The following NHERF2 variants were observed in gnomAD, a reference collection of about 807,000 sequenced individuals.
NHERF2 encodes Na(+)/H(+) exchange regulatory cofactor NHE-RF2.
the NHERF2 span, chr16:2,038,408 CCTTCCCCT>C: frequency 8.0e-6 from 1 of 124,954 alleles, no homozygotes; most frequent in Non-Finnish European, 1.9e-5. Context: ...AGACCCCCCC[CCTTCCCCT>C]CCCCCTTCCC....
the NHERF2 span, chr16:2,033,491 G>A: frequency 1.2e-4 from 175 of 1,478,464 alleles, 1 homozygote; most frequent in South Asian, 6.9e-4. Flanking sequence ...TCAGCCTCCC[G>A]GGGTGGAAGG....
chr16:2,026,912 C>T, the NHERF2 span: 1 of 372,936 alleles, frequency 2.7e-6, no homozygotes, highest in Non-Finnish European at 3.7e-6. Flanking sequence ...GAACAGGAGC[C>T]GCCGCTGAAG....
chr16:2,032,913 A>T, the NHERF2 span: 1 of 1,056,352 alleles, frequency 9.5e-7, no homozygotes, highest in Non-Finnish European at 1.1e-6. This position sits in a 1 kb window ranked among gnomAD's most constrained non-coding sequence, Gnocchi z 4.0. Context: ...GGGGGCTAAG[A>T]GCAGGTGTGA....
chr16:2,036,663 C>A, the NHERF2 span: 1 of 1,585,720 alleles, frequency 6.3e-7, no homozygotes, highest in East Asian at 2.2e-5. Context: ...GATGCCACAC[C>A]TGGCCACGCG....
the NHERF2 span, among the ~76,000 whole-genome samples, chr16:2,032,026 T>C: frequency 2.0e-5 from 3 of 150,030 alleles, no homozygotes; most frequent in Non-Finnish European, 3.0e-5. This position sits in a 1 kb window ranked among gnomAD's most constrained non-coding sequence, Gnocchi z 4.0. Flanking sequence ...TTCTTTCTTT[T>C]TTTTTTTTTT....
the NHERF2 span, among the ~76,000 whole-genome samples, chr16:2,034,410 C>T: frequency 0.042 from 438 of 10,432 alleles, 14 homozygotes; most frequent in Non-Finnish European, 0.05. Context: ...GCCTGGGGGC[C>T]GTGCTCCACC....
At chr16:2,038,181 A>G in the NHERF2 span, 1 of 611,366 alleles carries the variant, frequency 1.6e-6, no homozygotes, top group Non-Finnish European at 2.9e-6. Context: ...AGATAGGGGG[A>G]GAGAGACCCA....
the NHERF2 span, chr16:2,035,355 C>T: frequency 1.0e-6 from 1 of 960,894 alleles, no homozygotes; most frequent in South Asian, 4.7e-5. Flanking sequence ...ACCTGCCCTC[C>T]TGAGGTCTGA....
chr16:2,036,335 G>C, the NHERF2 span: 1 of 1,608,402 alleles, frequency 6.2e-7, no homozygotes, highest in South Asian at 1.1e-5. Flanking sequence ...ATGTCAGTGG[G>C]CCCCTGAGGG....
the NHERF2 span, chr16:2,035,361 T>C: frequency 2.1e-6 from 2 of 949,360 alleles, no homozygotes; most frequent in Admixed American, 6.8e-5. Flanking sequence ...CCTCCTGAGG[T>C]CTGAGCGCCC....
the NHERF2 span, chr16:2,035,510 G>A: frequency 1.0e-6 from 1 of 986,444 alleles, no homozygotes. Flanking sequence ...CCTCAAGCTT[G>A]GCGCTCCCTG....
At chr16:2,027,488 G>T in the NHERF2 span, among the ~76,000 whole-genome samples, 1 of 152,258 alleles carries the variant, frequency 6.6e-6, no homozygotes, top group South Asian at 2.1e-4. Flanking sequence ...TCAGTGTGCC[G>T]TGAAGGAGGG....
chr16:2,034,388 C>T, the NHERF2 span, among the ~76,000 whole-genome samples: 6 of 76,294 alleles, frequency 7.9e-5, no homozygotes, highest in East Asian at 1.1e-3. Context: ...GCCTTCCCTC[C>T]GTCCCAGGCC....
the NHERF2 span, chr16:2,029,847 G>A: frequency 5.0e-6 from 7 of 1,399,890 alleles, no homozygotes; most frequent in African/African-American, 4.3e-5. Context: ...AGCTTTTGAC[G>A]ACGATCTTTG....
chr16:2,030,385 C>T, the NHERF2 span, among the ~76,000 whole-genome samples: 18 of 152,136 alleles, frequency 1.2e-4, no homozygotes, highest in Admixed American at 7.2e-4. Flanking sequence ...GGCCCTGGGA[C>T]CCTGTCTGCT....
the NHERF2 span, among the ~76,000 whole-genome samples, chr16:2,028,901 A>G: frequency 2.6e-5 from 4 of 152,078 alleles, no homozygotes; most frequent in African/African-American, 4.8e-5. Flanking sequence ...ACAGCTGTCC[A>G]CAGGTGCACC....
chr16:2,038,381 T>G, the NHERF2 span: 1 of 440,366 alleles, frequency 2.3e-6, no homozygotes, highest in East Asian at 7.3e-5. Flanking sequence ...TCCACACATG[T>G]TTCCACTTAA....
the NHERF2 span, chr16:2,029,765 T>A: frequency 6.5e-7 from 1 of 1,529,976 alleles, no homozygotes; most frequent in African/African-American, 1.4e-5. Flanking sequence ...CAGCCACAGC[T>A]CCGAAGCTGG....
chr16:2,032,004 G>A, the NHERF2 span, among the ~76,000 whole-genome samples: 1 of 151,210 alleles, frequency 6.6e-6, no homozygotes, highest in Non-Finnish European at 1.5e-5. This position sits in a 1 kb window ranked among gnomAD's most constrained non-coding sequence, Gnocchi z 4.0. Flanking sequence ...TGAGGTCTGA[G>A]GTTTCATTTC....
Sources: allele counts gnomAD v4.1 joint callset (sites outside exome capture counted in the v4.1 genomes callset), GRCh38; gene constraint gnomAD v4.1.1; non-coding constraint Gnocchi (gnomAD v3.1); transcripts MANE v1.5; gene names NCBI Gene and HGNC (gene_info 2026-07-23, HGNC 2026-07-21).